Variants in CD28 observed in about 807,000 individuals in gnomAD.
CD28 encodes the protein CD28 molecule.
CD28 carries 8 observed loss-of-function variants against 21.4 expected under a neutral mutation model. The observed-to-expected ratio is 0.37, with a 90% CI of 0.22 to 0.68. CD28 has a LOEUF of 0.68. Among genes scored for constraint, CD28 ranks in the 30% least tolerant of loss-of-function variants. CD28 has a pLI of 0.55. For missense variants in CD28, 239 were observed against 272.2 expected (o/e 0.88, Z 0.86); for synonymous variants, 106 against 104.0 (o/e 1.02, Z -0.12).
chr2:203,712,952 G>A (rs1166475050), intron 1 of CD28, among the ~76,000 whole-genome samples: 1 of 152,182 alleles, frequency 6.6e-6, no homozygotes, highest in Non-Finnish European at 1.5e-5. Flanking sequence ...CATAGATGGG[G>A]AAACTGAAGC....
At chr2:203,706,580 G>C, upstream of CD28, 2 of 1,591,532 alleles carry the variant, frequency 1.3e-6, no homozygotes, top group Non-Finnish European at 1.7e-6. Context: ...TGGCGGTGGT[G>C]GTGGCCGTGG....
intron 1 of CD28, among the ~76,000 whole-genome samples, chr2:203,711,875 C>A (rs1693322779): frequency 6.6e-6 from 1 of 152,124 alleles, no homozygotes; most frequent in African/African-American, 2.4e-5. Context: ...ATTTTAATCT[C>A]CATCAGAGTT....
intron 1 of CD28, among the ~76,000 whole-genome samples, chr2:203,715,787 T>TA (rs763627889): frequency 1.3e-5 from 2 of 152,180 alleles, no homozygotes; most frequent in Non-Finnish European, 2.9e-5. Flanking sequence ...CTCATACCCT[T>TA]ACCCAGTGCG....
At chr2:203,712,291 A>T (rs1693336680) in intron 1 of CD28, among the ~76,000 whole-genome samples, 1 of 152,190 alleles carries the variant, frequency 6.6e-6, no homozygotes, top group Non-Finnish European at 1.5e-5. Flanking sequence ...TACAGCCCCT[A>T]TGATTTAGTT....
At position 203,735,140 on chromosome 2, in the gene CD28, C is replaced by A; in HGVS notation, c.*228C>A. On this transcript the variant is annotated 3_prime_UTR_variant, in exon 4 of 4. Transcript: ENST00000324106. ...AGGCCAAGTCTTACAGTGCCATGGC[C>A]CACATTCCAACTTACCATGTACTTA... The A allele has an allele frequency of 1.8e-6, 1 of 551,364 alleles. No homozygotes were observed. Among genetic ancestry groups the A allele is most frequent in the South Asian group, 2.3e-5 (1 of 42,590 alleles). The allele number at this position is 551,364 out of a possible 1,614,324, so 34.2% of individuals were successfully genotyped here.
chr2:203,710,573 A>G (rs1581498135), intron 1 of CD28, among the ~76,000 whole-genome samples: 1 of 152,314 alleles, frequency 6.6e-6, no homozygotes, highest in East Asian at 1.9e-4. Context: ...TCAAGGGTGG[A>G]GAAATGCCAT....
intron 1 of CD28, among the ~76,000 whole-genome samples, chr2:203,725,250 A>G (rs1448092228): frequency 6.6e-6 from 1 of 151,140 alleles, no homozygotes; most frequent in East Asian, 1.9e-4. Flanking sequence ...AGATCGCACC[A>G]TTGCACTCCA....
chr2:203,736,499 T>A lies in CD28; in HGVS notation c.*1587T>A, dbSNP rs1245467378. On this transcript the variant is annotated 3_prime_UTR_variant, in exon 4 of 4. Coordinates refer to ENST00000324106, the MANE Select transcript of CD28 (RefSeq NM_006139.4). ...ATTCACATGGGAAAGTATTTTGGAA[T>A]GTGTCTTTTGAAGAGAGCATCAGAG... 6.6e-6 allele frequency: 1 copy of A among 152,344 alleles called. No homozygotes were observed. Among genetic ancestry groups the A allele is most frequent in the African/African-American group, 2.4e-5 (1 of 41,460 alleles). 9.4% of individuals were successfully genotyped at this position (152,344 alleles called of 1,614,324 possible). A position where few individuals can be genotyped will look rare whatever the true frequency, so the allele number is the denominator to read the frequency against.
At chr2:203,707,165 C>A (rs995431408) in intron 1 of CD28, among the ~76,000 whole-genome samples, 3 of 151,760 alleles carry the variant, frequency 2.0e-5, no homozygotes, top group African/African-American at 7.3e-5. Context: ...ATTTATGTAT[C>A]GTTTCTTTCT....
intron 2 of CD28, 81 bp downstream of exon 2, chr2:203,727,070 G>A (rs1553645772): frequency 1.2e-6 from 1 of 869,562 alleles, no homozygotes; most frequent in South Asian, 1.6e-5. Flanking sequence ...GTGGTCAGTG[G>A]TGGGGTTGAA....
chr2:203,713,852 GGAGAGAGA>G (rs57737764), intron 1 of CD28, among the ~76,000 whole-genome samples: 6 of 141,670 alleles, frequency 4.2e-5, no homozygotes, highest in Non-Finnish European at 6.1e-5. Flanking sequence ...AGAGAGAGAG[GGAGAGAGA>G]GAGAGAGAGA....
chr2:203,727,948 ATT>A, intron 2 of CD28, among the ~76,000 whole-genome samples: 1 of 152,108 alleles, frequency 6.6e-6, no homozygotes, highest in Non-Finnish European at 1.5e-5. Context: ...AAGTGCTGGG[ATT>A]ACAGGCGTGA....
chr2:203,719,995 T>C (rs1157339533), intron 1 of CD28, among the ~76,000 whole-genome samples: 3 of 152,026 alleles, frequency 2.0e-5, no homozygotes, highest in Non-Finnish European at 2.9e-5. Flanking sequence ...CAAGAGTTGT[T>C]TTTTTTTGTA....
At chr2:203,724,055 A>G (rs145978424) in intron 1 of CD28, among the ~76,000 whole-genome samples, 17 of 152,232 alleles carry the variant, frequency 1.1e-4, no homozygotes, top group African/African-American at 3.9e-4. Flanking sequence ...GTTCTGGTGC[A>G]TGCAACAACA....
At position 203,729,717 on chromosome 2, in the gene CD28, G is replaced by T; in HGVS notation, c.479G>T (p.Gly160Val). 1 of 1,614,110 alleles carries T rather than the reference G, an allele frequency of 6.2e-7. No homozygotes were observed. Residue 160 changes from glycine (G) to valine (V), a missense_variant, in exon 3 of 4, where the codon GGT (glycine) becomes GTT (valine). By Grantham distance (109) the Gly-to-Val change is moderately radical (BLOSUM62 -3). Transcript: ENST00000324106. ...SKPFWVLVVV[G>V]GVLACYSLLV... ...CCCTTTTGGGTGCTGGTGGTGGTTG[G>T]TGGAGTCCTGGCTTGCTATAGCTTG...
At chr2:203,729,443 G>A (rs1228960722) in intron 2 of CD28, among the ~76,000 whole-genome samples, 6 of 152,128 alleles carry the variant, frequency 3.9e-5, no homozygotes, top group African/African-American at 7.2e-5. Context: ...TAACGTAATG[G>A]CTTTCAACTG....
intron 1 of CD28, among the ~76,000 whole-genome samples, chr2:203,713,929 G>T (rs1478759842): frequency 6.6e-6 from 1 of 151,188 alleles, no homozygotes; most frequent in African/African-American, 2.4e-5. Context: ...CTTGAGGGTA[G>T]AGAAGGGTAT....
At chr2:203,709,695 G>T (rs1001860758) in intron 1 of CD28, among the ~76,000 whole-genome samples, 1 of 152,198 alleles carries the variant, frequency 6.6e-6, no homozygotes, top group Admixed American at 6.5e-5. Context: ...AATGCTCTGG[G>T]ATTGATGATA....
chr2:203,711,026 G>A (rs1581498535), intron 1 of CD28, among the ~76,000 whole-genome samples: 2 of 152,250 alleles, frequency 1.3e-5, no homozygotes, highest in Admixed American at 1.3e-4. Context: ...TGACTGAATG[G>A]CTCTCTGGTT....
Sources: allele counts gnomAD v4.1 joint callset (sites outside exome capture counted in the v4.1 genomes callset), GRCh38; gene constraint gnomAD v4.1.1; transcripts MANE v1.5; gene names NCBI Gene and HGNC (gene_info 2026-07-23, HGNC 2026-07-21).